NSUN6: variants seen among roughly 807,000 people sequenced by gnomAD.
NSUN6 encodes the protein NOP2/Sun RNA methyltransferase 6.
In NSUN6, 64 loss-of-function variants were observed where a neutral mutation model predicts 58.0. That is an observed-to-expected ratio of 1.10 (90% CI 0.90 to 1.36). The LOEUF is 1.36. Ranked by LOEUF, NSUN6 falls within the 40% of genes most tolerant of loss-of-function variation. The pLI is 0.00. For synonymous variants in NSUN6, 231 were observed against 193.9 expected (o/e 1.19, Z -1.59); for missense variants, 701 against 550.1 (o/e 1.27, Z -2.74).
chr10:18,652,569 CTTTTTTTTTTT>C (rs532727978), upstream of NSUN6: 7 of 898,452 alleles, frequency 7.8e-6, no homozygotes, highest in East Asian at 3.7e-4. Context: ...TTTCTCTGCT[CTTTTTTTTTTT>C]TTTTTTTTGA....
chr10:18,613,036 T>C (rs953822324), intron 5 of NSUN6, among the ~76,000 whole-genome samples: 1 of 152,198 alleles, frequency 6.6e-6, no homozygotes, highest in Non-Finnish European at 1.5e-5. Context: ...AGCAGCCTGC[T>C]TCTTCCACCG....
At chr10:18,652,518 T>C (rs1165168170), upstream of NSUN6, 1 of 984,368 alleles carries the variant, frequency 1.0e-6, no homozygotes, top group South Asian at 4.7e-5. Context: ...AAATAATGAA[T>C]GACCATTATA....
At chr10:18,553,102 C>CTCCAT (rs1177170397) in intron 8 of NSUN6, among the ~76,000 whole-genome samples, 2 of 151,578 alleles carry the variant, frequency 1.3e-5, no homozygotes, top group African/African-American at 2.4e-5. Flanking sequence ...CGATTCCATT[C>CTCCAT]TCCATTCCAT....
intron 8 of NSUN6, among the ~76,000 whole-genome samples, chr10:18,562,240 G>A (rs1454684608): frequency 6.6e-6 from 1 of 150,604 alleles, no homozygotes; most frequent in East Asian, 2.0e-4. Flanking sequence ...AATGGAGAAT[G>A]GAATGGATTG....
intron 6 of NSUN6, among the ~76,000 whole-genome samples, chr10:18,600,603 G>C (rs944478447): frequency 1.1e-4 from 17 of 151,862 alleles, no homozygotes; most frequent in African/African-American, 4.1e-4. Context: ...CAGCCTGGGA[G>C]ACAAAGCCTC....
intron 9 of NSUN6, among the ~76,000 whole-genome samples, chr10:18,549,101 C>G (rs940988478): frequency 8.5e-5 from 13 of 152,162 alleles, no homozygotes; most frequent in African/African-American, 1.2e-4. Context: ...TTAAGCTTGT[C>G]TCTTCTCAGC....
intron 8 of NSUN6, among the ~76,000 whole-genome samples, chr10:18,574,163 C>A (rs1589917410): frequency 6.6e-6 from 1 of 151,936 alleles, no homozygotes; most frequent in African/African-American, 2.4e-5. Context: ...TGTCTTAGAC[C>A]CAGTCACTTG....
At chr10:18,553,521 T>C (rs2054757057) in intron 8 of NSUN6, among the ~76,000 whole-genome samples, 1 of 145,770 alleles carries the variant, frequency 6.9e-6, no homozygotes, top group Non-Finnish European at 1.5e-5. Flanking sequence ...GAGAAAGGAA[T>C]GGAGTGGAGA....
chr10:18,650,277 A>G (rs911077095), intron 1 of NSUN6, among the ~76,000 whole-genome samples: 3 of 152,222 alleles, frequency 2.0e-5, no homozygotes, highest in Non-Finnish European at 4.4e-5. Flanking sequence ...GAAAAAAAAC[A>G]AAGTTGCTTA....
intron 9 of NSUN6, chr10:18,551,584 T>C: frequency 2.7e-6 from 1 of 368,510 alleles, no homozygotes; most frequent in East Asian, 4.1e-5. Flanking sequence ...CTGAGCATAA[T>C]GTTTTCCAGG....
chr10:18,599,656 C>A (rs1446249117), intron 6 of NSUN6, among the ~76,000 whole-genome samples: 2 of 152,174 alleles, frequency 1.3e-5, no homozygotes, highest in African/African-American at 4.8e-5. Context: ...TTTCAAACAT[C>A]TGACCCAGGC....
intron 8 of NSUN6, among the ~76,000 whole-genome samples, chr10:18,557,008 T>A (rs943523694): frequency 4.8e-5 from 7 of 146,598 alleles, no homozygotes; most frequent in South Asian, 4.3e-4. Flanking sequence ...AAAAATGGAA[T>A]AGAATAGATA....
At chr10:18,657,036 T>C (rs1383373893), upstream of NSUN6, among the ~76,000 whole-genome samples, 1 of 152,056 alleles carries the variant, frequency 6.6e-6, no homozygotes, top group Non-Finnish European at 1.5e-5. Flanking sequence ...CCATGTTGTC[T>C]GGGTTGATCT....
intron 8 of NSUN6, among the ~76,000 whole-genome samples, chr10:18,555,563 G>A (rs554718836): frequency 6.8e-6 from 1 of 146,586 alleles, no homozygotes; most frequent in African/African-American, 2.5e-5. Flanking sequence ...AATAGAGAAT[G>A]GAATGGAATG....
At chr10:18,608,766 G>A (rs1257398339) in intron 6 of NSUN6, among the ~76,000 whole-genome samples, 1 of 152,054 alleles carries the variant, frequency 6.6e-6, no homozygotes, top group Non-Finnish European at 1.5e-5. Flanking sequence ...ATGACTCAGG[G>A]CTACGTTGCC....
At chr10:18,570,881 GCATTCTCCATTCCATTC>G (rs931831201) in intron 8 of NSUN6, among the ~76,000 whole-genome samples, 9 of 118,342 alleles carry the variant, frequency 7.6e-5, no homozygotes, top group East Asian at 5.3e-4. Flanking sequence ...GCATTCCATA[GCATTCTCCATTCCATTC>G]CATTCTCCAT....
chr10:18,548,719 G>A (rs560362397), intron 9 of NSUN6, among the ~76,000 whole-genome samples: 15 of 152,280 alleles, frequency 9.9e-5, no homozygotes, highest in South Asian at 2.1e-4. Context: ...GATTGCAGGC[G>A]TGAGCCATGG....
intron 9 of NSUN6, among the ~76,000 whole-genome samples, chr10:18,548,723 G>A (rs2054434649): frequency 6.6e-6 from 1 of 152,200 alleles, no homozygotes; most frequent in South Asian, 2.1e-4. Context: ...GCAGGCGTGA[G>A]CCATGGGTCT....
At chr10:18,574,355 T>G (rs781099292) in intron 8 of NSUN6, among the ~76,000 whole-genome samples, 4 of 152,048 alleles carry the variant, frequency 2.6e-5, no homozygotes, top group Admixed American at 1.3e-4. Context: ...AGCCATTATG[T>G]TAGAAAAGAA....
Sources: gnomAD v4.1 joint callset for allele counts (sites outside exome capture counted in the v4.1 genomes callset) on GRCh38, gnomAD v4.1.1 for gene constraint, MANE v1.5 for transcripts, NCBI Gene and HGNC (gene_info 2026-07-23, HGNC 2026-07-21) for gene names.